Variants in TLE1 observed in about 807,000 individuals in gnomAD.
TLE1 encodes the protein transducin-like enhancer protein 1.
TLE1 carries 21 observed loss-of-function variants against 89.8 expected under a neutral mutation model. The observed-to-expected ratio is 0.23, with a 90% CI of 0.17 to 0.34. The LOEUF (loss-of-function observed/expected upper bound fraction) is 0.34. Ranked by LOEUF, TLE1 falls within the 10% of genes least tolerant of loss-of-function variation. The pLI is 1.00. For synonymous variants in TLE1, 447 were observed against 407.6 expected, an observed-to-expected ratio of 1.10 and a Z score of -1.16; for missense variants, 795 against 1,031.2, an observed-to-expected ratio of 0.77 and a Z score of 3.14.
Position 81,668,208 on chromosome 9 carries a change from T to C in TLE1, c.235-14172A>G, listed in dbSNP as rs371442800. On this transcript the variant is annotated intron_variant, in intron 4 of 19. Coordinates refer to ENST00000376499, the MANE Select transcript of TLE1 (RefSeq NM_005077.5). ...AAGGATATGTAAAGGAAGTTGGAAG[T>C]TGTGGTGGGCAAGGGTAGGGATTAA... 1.3e-4 allele frequency among the ~76,000 whole-genome samples: 20 copies of C among 150,856 alleles called. No individual in the cohort carries two copies. In the East Asian group the frequency reaches 3.1e-3, roughly 23 times the overall value.
At chr9:81,616,524 T>G (rs977202194) in intron 10 of TLE1, 122 bp downstream of exon 10, 4 of 889,296 alleles carry the variant, frequency 4.5e-6, no homozygotes, top group South Asian at 1.5e-5. Flanking sequence ...AACTTCTTAA[T>G]GTAAGAAGTT....
At chr9:81,633,559 A>G in intron 7 of TLE1, 195 bp from the exon 8 acceptor site, 2 of 709,712 alleles carry the variant, frequency 2.8e-6, no homozygotes, top group African/African-American at 3.5e-5. Flanking sequence ...TAAACATAAG[A>G]TTTACAGTTT....
At chr9:81,601,928 G>C (rs952876030) in intron 14 of TLE1, among the ~76,000 whole-genome samples, 6 of 152,162 alleles carry the variant, frequency 3.9e-5, no homozygotes, top group East Asian at 1.9e-4. Flanking sequence ...CAAGGGACAA[G>C]ACTTCGGGAA....
Position 81,593,083 on chromosome 9 carries a change from T to C in TLE1, c.1523A>G (p.Lys508Arg). 5.0e-6 allele frequency: 8 copies of C among 1,614,168 alleles called. No homozygotes were observed. The highest frequency in any genetic ancestry group is 6.8e-6 in the Non-Finnish European group (8 of 1,180,036). ...GCCAGGGTGGCTGATGTCCCAGACC[T>C]TGACGCAGCCCTTCCCGCCTGTGTA... is the stretch of plus-strand genomic sequence containing the variant. ...HVYTGGKGCV[K>R]VWDISHPGNK... The change falls in exon 15 of 20, where the codon AAG becomes AGG. Residue 508 changes from lysine to arginine, a missense_variant. Lys to Arg is a conservative substitution (Grantham distance 26). Around this residue, in one of 4 missense-constraint regions of TLE1, gnomAD observed 214 missense variants for 354.9 expected, o/e 0.60. Coordinates refer to ENST00000376499, the MANE Select transcript of TLE1 (RefSeq NM_005077.5).
chr9:81,688,075 G>A (rs1367695122), intron 1 of TLE1, 142 bp downstream of exon 1: 4 of 1,022,534 alleles, frequency 3.9e-6, no homozygotes, highest in South Asian at 2.8e-5. Flanking sequence ...CCCAGGAAGA[G>A]AGGGCCCCAG....
intron 4 of TLE1, among the ~76,000 whole-genome samples, chr9:81,659,819 G>A (rs188173138): frequency 3.3e-5 from 5 of 152,228 alleles, no homozygotes; most frequent in Admixed American, 3.3e-4. Flanking sequence ...CAATCTACTT[G>A]AGAGTTTCAT....
intron 8 of TLE1, among the ~76,000 whole-genome samples, chr9:81,632,282 C>T (rs1258245498): frequency 6.6e-6 from 1 of 152,058 alleles, no homozygotes; most frequent in Non-Finnish European, 1.5e-5. Flanking sequence ...TTAAAACTAG[C>T]TACCCTTTCC....
chr9:81,620,651 A>C (rs1825119633), intron 8 of TLE1, 94 bp from the exon 9 acceptor site: 2 of 1,533,552 alleles, frequency 1.3e-6, no homozygotes, highest in Admixed American at 2.2e-5. Flanking sequence ...TTGAAAGGTG[A>C]TACCTACACA....
chr9:81,609,846 T>C (rs1823475195), intron 14 of TLE1, among the ~76,000 whole-genome samples: 1 of 152,238 alleles, frequency 6.6e-6, no homozygotes, highest in Non-Finnish European at 1.5e-5. Flanking sequence ...TCGTGACAGC[T>C]GACTGCCCAC....
rs2131921980 is a variant in TLE1 at position 81,599,989 on chromosome 9, C to T, written c.1332-6715G>A. 6 of 628,424 alleles carry T rather than the reference C, an allele frequency of 9.5e-6. 2 individuals are homozygous for T. The Middle Eastern group carries it at 1.3e-3, about 133-fold the overall frequency. 38.9% of individuals were successfully genotyped at this position (628,424 alleles called of 1,614,324 possible). On this transcript the variant is annotated intron_variant, in intron 14 of 19. Transcript: ENST00000376499. Reference sequence around the variant, plus strand: ...GCAAAGAAAACAAGAAACAGATGACCTAAGTTGATAAATGAGGAAGTATTC... The same window carrying T: ...GCAAAGAAAACAAGAAACAGATGACTTAAGTTGATAAATGAGGAAGTATTC...
chr9:81,662,547 A>G (rs906853948), intron 4 of TLE1, among the ~76,000 whole-genome samples: 3 of 151,926 alleles, frequency 2.0e-5, no homozygotes, highest in African/African-American at 7.2e-5. Flanking sequence ...ATACAAAAAA[A>G]ATTAGCAGGG....
chr9:81,642,530 TAA>T (rs35355418), intron 6 of TLE1, among the ~76,000 whole-genome samples: 129 of 147,438 alleles, frequency 8.7e-4, no homozygotes, highest in African/African-American at 7.7e-4. Flanking sequence ...CGTCTCTACT[TAA>T]AAAAAAAAAA....
chr9:81,651,667 T>C (rs1269705357), intron 6 of TLE1, among the ~76,000 whole-genome samples: 2 of 151,826 alleles, frequency 1.3e-5, no homozygotes, highest in Non-Finnish European at 2.9e-5. Flanking sequence ...CTAAATGAAA[T>C]GATAATTCAG....
intron 4 of TLE1, among the ~76,000 whole-genome samples, chr9:81,655,852 C>CAAAAAAA (rs5898754): frequency 7.9e-6 from 1 of 127,020 alleles, no homozygotes. Context: ...GACCCTGTCT[C>CAAAAAAA]AAAAAAAAAA....
intron 11 of TLE1, 122 bp from the exon 12 acceptor site, chr9:81,613,643 A>T: frequency 9.0e-7 from 1 of 1,109,140 alleles, no homozygotes; most frequent in Non-Finnish European, 1.3e-6. Flanking sequence ...AATTTTCATA[A>T]ATCCACACAA....
intron 12 of TLE1, 133 bp downstream of exon 12, chr9:81,613,244 C>A: frequency 7.8e-7 from 1 of 1,282,386 alleles, no homozygotes. Flanking sequence ...ATGGCTTTTT[C>A]AGAGATAGGA....
chr9:81,661,221 T>C (rs1479747247), intron 4 of TLE1, among the ~76,000 whole-genome samples: 4 of 140,694 alleles, frequency 2.8e-5, no homozygotes, highest in Non-Finnish European at 6.0e-5. Flanking sequence ...TATATATATA[T>C]CTTTTTTTCA....
At chr9:81,682,123 G>C (rs530635025) in intron 4 of TLE1, among the ~76,000 whole-genome samples, 1 of 151,932 alleles carries the variant, frequency 6.6e-6, no homozygotes, top group East Asian at 1.9e-4. Context: ...GCATGGTGGC[G>C]GACACCTGTA....
In TLE1 at chr9:81,665,045, A is replaced by C. The variant is rs187948332; in HGVS notation, c.235-11009T>G. Among the ~76,000 whole-genome samples the C allele has an allele frequency of 1.5e-3, 236 of 152,300 alleles. 1 individual carries two copies. The highest frequency in any genetic ancestry group is 5.2e-3 in the African/African-American group (216 of 41,566). On this transcript the variant is annotated intron_variant, in intron 4 of 19. Coordinates refer to ENST00000376499, the MANE Select transcript of TLE1 (RefSeq NM_005077.5). Reference sequence around the variant, plus strand: ...ACCAGGTCCCCTGGGAGAACAGACTAAAATAACTTGCCTAAGATCAGAACA... The same window carrying C: ...ACCAGGTCCCCTGGGAGAACAGACTCAAATAACTTGCCTAAGATCAGAACA...
Sources: gnomAD v4.1 joint callset for allele counts (sites outside exome capture counted in the v4.1 genomes callset) on GRCh38, gnomAD v4.1.1 for gene constraint, gnomAD v4.1.1 regional missense constraint, MANE v1.5 for transcripts, NCBI Gene and HGNC (gene_info 2026-07-23, HGNC 2026-07-21) for gene names.